The following MARCHF11 variants were observed in gnomAD, a reference collection of about 807,000 sequenced individuals.
The protein encoded by MARCHF11 is membrane associated ring-CH-type finger 11.
Under a neutral mutation model 37.3 loss-of-function variants are expected in MARCHF11, and 29 were observed. The ratio of observed to expected loss-of-function variants is 0.78; its 90% CI spans 0.58 to 1.06. The LOEUF is 1.06. Among genes scored for constraint, MARCHF11 ranks in the 50% least tolerant of loss-of-function variants. The pLI is 0.00. For missense variants in MARCHF11, 482 were observed against 533.4 expected (o/e 0.90, Z 0.95); for synonymous variants, 233 against 228.0 (o/e 1.02, Z -0.20).
chr5:16,129,184 C>T (rs1411434181), intron 2 of MARCHF11: 3 of 152,146 alleles, frequency 2.0e-5, no homozygotes, highest in Non-Finnish European at 4.4e-5. Context: ...ATGAAACTGA[C>T]ATAAGCTGAC....
chr5:16,087,710 C>T (rs535268829), intron 3 of MARCHF11, among the ~76,000 whole-genome samples: 11 of 151,670 alleles, frequency 7.3e-5, no homozygotes, highest in African/African-American at 2.2e-4. Context: ...GAACTCAAAA[C>T]GTTAATAGCA....
At chr5:16,101,351 G>A (rs943571964) in intron 2 of MARCHF11, among the ~76,000 whole-genome samples, 3 of 152,140 alleles carry the variant, frequency 2.0e-5, no homozygotes, top group African/African-American at 7.2e-5. Context: ...ACTCCAGCCT[G>A]GGCAACAGAG....
At chr5:16,155,309 G>A (rs923609252) in intron 2 of MARCHF11, among the ~76,000 whole-genome samples, 3 of 151,752 alleles carry the variant, frequency 2.0e-5, no homozygotes, top group Admixed American at 1.3e-4. Flanking sequence ...GTCACAGACT[G>A]TTTTGTTTTT....
chr5:16,071,331 A>AT (rs552685112), intron 3 of MARCHF11, among the ~76,000 whole-genome samples: 9 of 152,150 alleles, frequency 5.9e-5, no homozygotes, highest in Non-Finnish European at 1.0e-4. Context: ...AGAGTTGAGG[A>AT]GTGTGTGCAT....
At chr5:16,072,813 G>A (rs1444306660) in intron 3 of MARCHF11, among the ~76,000 whole-genome samples, 1 of 152,072 alleles carries the variant, frequency 6.6e-6, no homozygotes, top group East Asian at 1.9e-4. Context: ...ATCATCTACA[G>A]TGTTGCTTTC....
intron 2 of MARCHF11, among the ~76,000 whole-genome samples, chr5:16,117,097 C>A (rs1347549084): frequency 6.6e-6 from 1 of 152,150 alleles, no homozygotes; most frequent in African/African-American, 2.4e-5. Flanking sequence ...GTAACTGCAG[C>A]AGGAATTTTA....
chr5:16,089,708 A>C (rs1736760521), intron 3 of MARCHF11, among the ~76,000 whole-genome samples: 1 of 152,230 alleles, frequency 6.6e-6, no homozygotes, highest in African/African-American at 2.4e-5. Context: ...AAGCTCTAGT[A>C]AGTAGAGGCA....
At chr5:16,081,824 G>A (rs1307512667) in intron 3 of MARCHF11, among the ~76,000 whole-genome samples, 3 of 152,236 alleles carry the variant, frequency 2.0e-5, no homozygotes, top group Admixed American at 1.3e-4. Flanking sequence ...GTTAGGTTGG[G>A]GTGTTTTCCC....
intron 2 of MARCHF11, among the ~76,000 whole-genome samples, chr5:16,127,790 CGTCT>C (rs1442693480): frequency 6.6e-6 from 1 of 152,162 alleles, no homozygotes; most frequent in Non-Finnish European, 1.5e-5. Flanking sequence ...CTCCAGACCT[CGTCT>C]GTCTTTCTCT....
At chr5:16,130,545 G>T (rs1488343003) in intron 2 of MARCHF11, among the ~76,000 whole-genome samples, 1 of 152,086 alleles carries the variant, frequency 6.6e-6, no homozygotes, top group Non-Finnish European at 1.5e-5. Context: ...AGGATAAACT[G>T]TTCTTGGAAA....
intron 2 of MARCHF11, among the ~76,000 whole-genome samples, chr5:16,120,434 C>T (rs974218642): frequency 2.0e-5 from 3 of 152,216 alleles, no homozygotes; most frequent in South Asian, 4.1e-4. Flanking sequence ...CCTCTAGGGT[C>T]TCTTCTCCAC....
intron 3 of MARCHF11, among the ~76,000 whole-genome samples, chr5:16,071,588 G>A (rs2126543249): frequency 6.6e-6 from 1 of 152,294 alleles, no homozygotes; most frequent in East Asian, 1.9e-4. Context: ...AATAAGTGAT[G>A]GGGAAGGCTA....
intron 2 of MARCHF11, among the ~76,000 whole-genome samples, chr5:16,121,419 A>G (rs762531034): frequency 6.6e-6 from 1 of 152,258 alleles, no homozygotes; most frequent in Non-Finnish European, 1.5e-5. Flanking sequence ...AGTGGTTGGC[A>G]TATGGTAGGA....
intron 3 of MARCHF11, among the ~76,000 whole-genome samples, chr5:16,071,136 G>A (rs952339224): frequency 5.3e-5 from 8 of 152,078 alleles, no homozygotes; most frequent in Non-Finnish European, 1.2e-4. Flanking sequence ...ATGAATTGTC[G>A]CCTTGACATT....
chr5:16,128,942 C>T (rs1737465323), intron 2 of MARCHF11, among the ~76,000 whole-genome samples: 1 of 152,186 alleles, frequency 6.6e-6, no homozygotes, highest in African/African-American at 2.4e-5. Flanking sequence ...ACTTATTCTG[C>T]CCTGTTGTAC....
chr5:16,175,248 G>T (rs1738335857), intron 2 of MARCHF11, among the ~76,000 whole-genome samples: 3 of 152,330 alleles, frequency 2.0e-5, no homozygotes, highest in South Asian at 4.2e-4. Context: ...GATCATAAAT[G>T]ACAGTTGTTG....
intron 2 of MARCHF11, among the ~76,000 whole-genome samples, chr5:16,108,905 T>C (rs981803651): frequency 6.6e-6 from 1 of 152,122 alleles, no homozygotes; most frequent in Non-Finnish European, 1.5e-5. Context: ...TCTGCCTACG[T>C]TCTCTACCTG....
intron 2 of MARCHF11, among the ~76,000 whole-genome samples, chr5:16,155,526 C>T (rs139781966): frequency 2.6e-5 from 4 of 151,912 alleles, no homozygotes; most frequent in African/African-American, 7.2e-5. Context: ...CCCCAACTCC[C>T]ACAGTGTTAC....
chr5:16,161,419 C>T (rs344735), intron 2 of MARCHF11, among the ~76,000 whole-genome samples: 140,379 of 151,832 alleles, frequency 0.92, 65,701 homozygotes, highest in East Asian at 1. Flanking sequence ...CTTATGCTTA[C>T]GGACTCTGAG....
Sources: gnomAD v4.1 joint callset for allele counts (sites outside exome capture counted in the v4.1 genomes callset) on GRCh38, gnomAD v4.1.1 for gene constraint, MANE v1.5 for transcripts, NCBI Gene and HGNC (gene_info 2026-07-23, HGNC 2026-07-21) for gene names.